Variants in XKR9 observed in about 807,000 individuals in gnomAD.
XKR9 encodes XK-related protein 9.
XKR9 carries 32 observed loss-of-function variants against 32.0 expected under a neutral mutation model. That is an observed-to-expected ratio of 1.00 (90% CI 0.76 to 1.34). The LOEUF is 1.34. Among genes scored for constraint, XKR9 ranks in the 40% most tolerant of loss-of-function variants. The pLI is 0.00. For missense variants in XKR9, 546 were observed against 429.7 expected (o/e 1.27, Z -2.39); for synonymous variants, 168 against 143.4 (o/e 1.17, Z -1.22).
the XKR9 span, among the ~76,000 whole-genome samples, chr8:70,831,445 G>A: frequency 1.8e-4 from 27 of 152,036 alleles, no homozygotes; most frequent in African/African-American, 6.3e-4. Flanking sequence ...AGTTTCTCTC[G>A]TGATTAAAAT....
chr8:70,824,714 T>C, the XKR9 span, among the ~76,000 whole-genome samples: 2 of 152,088 alleles, frequency 1.3e-5, no homozygotes, highest in Non-Finnish European at 2.9e-5. Context: ...GCAGACATTT[T>C]TACCCTAGGA....
chr8:70,959,751 G>A, the XKR9 span, among the ~76,000 whole-genome samples: 1 of 152,174 alleles, frequency 6.6e-6, no homozygotes. Context: ...TTATGAGTGA[G>A]GCTGAACATC....
chr8:70,910,520 C>A, the XKR9 span, among the ~76,000 whole-genome samples: 2 of 152,012 alleles, frequency 1.3e-5, no homozygotes, highest in East Asian at 3.9e-4. Context: ...GTTTTCAAGC[C>A]CATTTATTAG....
At chr8:71,003,362 C>T in the XKR9 span, among the ~76,000 whole-genome samples, 11 of 152,248 alleles carry the variant, frequency 7.2e-5, no homozygotes, top group Non-Finnish European at 1.5e-4. Flanking sequence ...TAAATTGTAA[C>T]CTTGATACAT....
chr8:71,006,048 A>C, the XKR9 span, among the ~76,000 whole-genome samples: 10 of 152,250 alleles, frequency 6.6e-5, no homozygotes, highest in Non-Finnish European at 1.5e-4. Flanking sequence ...ACTCAGATAA[A>C]AGTATGAAAT....
At chr8:70,765,920 TGTGTG>T (rs1807369082) in intron 2 of XKR9, among the ~76,000 whole-genome samples, 1 of 152,214 alleles carries the variant, frequency 6.6e-6, no homozygotes, top group Admixed American at 6.5e-5. Context: ...TGGTTGTAGA[TGTGTG>T]GTGTTATTTC....
At chr8:70,690,830 A>G (rs1446539937) in intron 3 of XKR9, among the ~76,000 whole-genome samples, 1 of 151,892 alleles carries the variant, frequency 6.6e-6, no homozygotes, top group Admixed American at 6.6e-5. Context: ...TCTGTCATTG[A>G]TTGGTATTTA....
the XKR9 span, among the ~76,000 whole-genome samples, chr8:70,951,871 G>GC: frequency 7.4e-4 from 68 of 91,538 alleles, no homozygotes; most frequent in Non-Finnish European, 1.2e-3. Context: ...CATCATTGGG[G>GC]GGGGGGTGGT....
chr8:71,006,309 TA>T, the XKR9 span, among the ~76,000 whole-genome samples: 4 of 148,608 alleles, frequency 2.7e-5, no homozygotes, highest in South Asian at 8.4e-4. Context: ...TAAACTTTCT[TA>T]AAACATTACG....
the XKR9 span, among the ~76,000 whole-genome samples, chr8:70,803,115 G>A: frequency 6.6e-6 from 1 of 152,062 alleles, no homozygotes; most frequent in Non-Finnish European, 1.5e-5. Flanking sequence ...GTCTCTTTAT[G>A]TAATCTCATA....
the XKR9 span, among the ~76,000 whole-genome samples, chr8:70,993,993 G>A: frequency 2.0e-5 from 3 of 151,980 alleles, no homozygotes; most frequent in Non-Finnish European, 4.4e-5. Flanking sequence ...TATATTTTGG[G>A]GTAACATATT....
intron 2 of XKR9, among the ~76,000 whole-genome samples, chr8:70,778,819 C>A (rs552305106): frequency 1.2e-3 from 182 of 152,116 alleles, no homozygotes; most frequent in Non-Finnish European, 1.5e-3. Flanking sequence ...ACTTTGCTGA[C>A]GTTGCTTATC....
chr8:70,813,166 C>T, the XKR9 span, among the ~76,000 whole-genome samples: 1 of 151,958 alleles, frequency 6.6e-6, no homozygotes, highest in Non-Finnish European at 1.5e-5. Context: ...GATCTTTGAC[C>T]AACTTGACAA....
the XKR9 span, among the ~76,000 whole-genome samples, chr8:70,894,637 T>G: frequency 6.6e-6 from 1 of 152,040 alleles, no homozygotes; most frequent in Non-Finnish European, 1.5e-5. Flanking sequence ...TCAGCTTAGG[T>G]GCTAGGGTAT....
chr8:70,918,891 C>A, the XKR9 span, among the ~76,000 whole-genome samples: 1 of 143,950 alleles, frequency 6.9e-6, no homozygotes, highest in African/African-American at 2.6e-5. Flanking sequence ...CATTCTCTTG[C>A]CTCAGCCTCC....
At chr8:70,927,553 T>C in the XKR9 span, among the ~76,000 whole-genome samples, 1 of 152,114 alleles carries the variant, frequency 6.6e-6, no homozygotes, top group African/African-American at 2.4e-5. Context: ...ATGGCGTCTT[T>C]TTGCAGTGTC....
At chr8:70,988,151 C>T in the XKR9 span, among the ~76,000 whole-genome samples, 2 of 152,204 alleles carry the variant, frequency 1.3e-5, no homozygotes, top group East Asian at 1.9e-4. Flanking sequence ...TGAGAGGGCT[C>T]CCACTGGGTC....
the XKR9 span, among the ~76,000 whole-genome samples, chr8:71,047,884 C>T: frequency 2.6e-5 from 4 of 152,182 alleles, no homozygotes; most frequent in Non-Finnish European, 5.9e-5. Flanking sequence ...GGCCAAACTA[C>T]CTCTGCAGTA....
chr8:70,791,257 T>C (rs185167297), downstream of XKR9, among the ~76,000 whole-genome samples: 2 of 151,862 alleles, frequency 1.3e-5, no homozygotes. Flanking sequence ...GGAGGATTGC[T>C]TGAGCCCAGG....
Sources: gnomAD v4.1 joint callset for allele counts (sites outside exome capture counted in the v4.1 genomes callset) on GRCh38, gnomAD v4.1.1 for gene constraint, MANE v1.5 for transcripts, NCBI Gene and HGNC (gene_info 2026-07-23, HGNC 2026-07-21) for gene names.